The following MRPS35 variants were observed in gnomAD, a reference collection of about 807,000 sequenced individuals.
MRPS35 encodes small ribosomal subunit protein mS35.
Under a neutral mutation model 32.7 loss-of-function variants are expected in MRPS35, and 29 were observed. That is an observed-to-expected ratio of 0.89 (90% CI 0.66 to 1.21). The LOEUF (loss-of-function observed/expected upper bound fraction) is 1.21. MRPS35 is among the 50% of genes most tolerant of loss of function. The probability of loss-of-function intolerance (pLI) is 0.00; values close to 1 mark genes in which losing one functional copy is unlikely to be tolerated. For synonymous variants in MRPS35, 148 were observed against 139.3 expected, an observed-to-expected ratio of 1.06 and a Z score of -0.44; for missense variants, 373 against 383.8, an observed-to-expected ratio of 0.97 and a Z score of 0.23.
At chr12:27,733,857 A>G (rs2061931927) in intron 5 of MRPS35, among the ~76,000 whole-genome samples, 1 of 152,260 alleles carries the variant, frequency 6.6e-6, no homozygotes, top group South Asian at 2.1e-4. Context: ...TACTTCAAAT[A>G]CAAAATACAA....
At chr12:27,738,420 T>A (rs1415854764) in intron 7 of MRPS35, among the ~76,000 whole-genome samples, 1 of 152,214 alleles carries the variant, frequency 6.6e-6, no homozygotes, top group Non-Finnish European at 1.5e-5. Context: ...TTCAGATTAG[T>A]AATGCTAAAC....
intron 7 of MRPS35, among the ~76,000 whole-genome samples, chr12:27,754,765 CAAA>C (rs149548847): frequency 0.14 from 14,446 of 103,506 alleles, 748 homozygotes; most frequent in East Asian, 0.2. Context: ...AGACCCATCT[CAAA>C]AAAAAAAAAA....
chr12:27,727,496 C>A (rs924202855), intron 5 of MRPS35, among the ~76,000 whole-genome samples: 1 of 152,006 alleles, frequency 6.6e-6, no homozygotes, highest in Admixed American at 6.5e-5. Context: ...ATTGACTATA[C>A]CATGTAGTCT....
At chr12:27,714,634 C>CAAA (rs531429538) in intron 1 of MRPS35, 146 bp from the exon 2 acceptor site, 139 of 357,314 alleles carry the variant, frequency 3.9e-4, no homozygotes, top group Middle Eastern at 7.8e-4. Context: ...CTGAGCTTAC[C>CAAA]AAAAAAAAAA....
At chr12:27,722,517 T>TC (rs2061880829) in intron 4 of MRPS35, among the ~76,000 whole-genome samples, 1 of 152,194 alleles carries the variant, frequency 6.6e-6, no homozygotes, top group African/African-American at 2.4e-5. Context: ...ATTCACATTT[T>TC]TTTTTTTAAG....
intron 7 of MRPS35, among the ~76,000 whole-genome samples, chr12:27,753,729 G>A (rs2062015289): frequency 6.6e-6 from 1 of 152,074 alleles, no homozygotes; most frequent in Non-Finnish European, 1.5e-5. Context: ...AAAAAAATGT[G>A]ACTAGTATTC....
intron 7 of MRPS35, among the ~76,000 whole-genome samples, chr12:27,745,419 T>C (rs1480442199): frequency 1.3e-5 from 2 of 152,220 alleles, no homozygotes; most frequent in African/African-American, 2.4e-5. Flanking sequence ...ACTTTGACTT[T>C]CAAAATGTTA....
chr12:27,719,582 C>T (rs532693228), intron 3 of MRPS35, among the ~76,000 whole-genome samples: 2 of 151,108 alleles, frequency 1.3e-5, no homozygotes, highest in South Asian at 4.2e-4. Context: ...AGGAGAATGG[C>T]GTGAACCCGG....
At chr12:27,741,325 C>A (rs1396315803) in intron 7 of MRPS35, among the ~76,000 whole-genome samples, 7 of 145,896 alleles carry the variant, frequency 4.8e-5, no homozygotes, top group Non-Finnish European at 9.0e-5. Context: ...TACTTAGTAC[C>A]TGTGTAATAG....
intron 3 of MRPS35, 56 bp downstream of exon 3, chr12:27,716,514 T>G: frequency 6.4e-7 from 1 of 1,570,996 alleles, no homozygotes. Flanking sequence ...AATGCTGATC[T>G]TCCCCCCTAT....
At chr12:27,721,521 T>G (rs1237461944) in intron 4 of MRPS35, among the ~76,000 whole-genome samples, 1 of 151,958 alleles carries the variant, frequency 6.6e-6, no homozygotes, top group African/African-American at 2.4e-5. Flanking sequence ...TAGCCGGGTG[T>G]GGTGGCATGT....
intron 5 of MRPS35, among the ~76,000 whole-genome samples, chr12:27,731,272 A>G (rs2061921212): frequency 6.6e-6 from 1 of 152,066 alleles, no homozygotes; most frequent in Non-Finnish European, 1.5e-5. Context: ...GCCCTTACTG[A>G]TGTGCTTTTG....
chr12:27,747,917 A>G (rs1301424719), intron 7 of MRPS35, among the ~76,000 whole-genome samples: 1 of 152,186 alleles, frequency 6.6e-6, no homozygotes, highest in African/African-American at 2.4e-5. Flanking sequence ...ACTAACGAGC[A>G]GTGTGGTTTT....
intron 7 of MRPS35, among the ~76,000 whole-genome samples, chr12:27,740,975 T>A (rs549220539): frequency 6.6e-6 from 1 of 152,164 alleles, no homozygotes; most frequent in Non-Finnish European, 1.5e-5. Flanking sequence ...GATACCACCC[T>A]GGGCAACATG....
intron 3 of MRPS35, among the ~76,000 whole-genome samples, chr12:27,717,067 G>A (rs2061854222): frequency 6.6e-6 from 1 of 151,882 alleles, no homozygotes; most frequent in East Asian, 1.9e-4. Flanking sequence ...CTTCTTTTTG[G>A]AGATGGGGGT....
intron 7 of MRPS35, among the ~76,000 whole-genome samples, chr12:27,750,408 A>G (rs1328342240): frequency 6.6e-6 from 1 of 152,218 alleles, no homozygotes; most frequent in Non-Finnish European, 1.5e-5. Flanking sequence ...GAGATACCTG[A>G]TATATAATTA....
intron 7 of MRPS35, among the ~76,000 whole-genome samples, chr12:27,750,889 G>C (rs960951442): frequency 6.6e-6 from 1 of 152,050 alleles, no homozygotes; most frequent in African/African-American, 2.4e-5. Context: ...GATCACCTGA[G>C]GTCAGGAGTT....
intron 7 of MRPS35, among the ~76,000 whole-genome samples, chr12:27,743,108 G>T (rs1033334678): frequency 2.6e-5 from 4 of 151,818 alleles, no homozygotes; most frequent in Non-Finnish European, 4.4e-5. Flanking sequence ...TGATCCTCCT[G>T]CCTCTGCCTC....
chr12:27,710,864 A>G lies in MRPS35; in HGVS notation c.21A>G (p.Pro7=), dbSNP rs767634475. The change falls in exon 1 of 8, where the codon CCA becomes CCG. Residue 7 remains proline, a synonymous_variant. Coordinates refer to ENST00000081029, the MANE Select transcript of MRPS35 (RefSeq NM_021821.4). ...CAGCCATGGCGGCCGCCGCGCTCCC[A>G]GCATGGCTGTCTCTGCAGTCGAGGG... MAAAAL[P]AWLSLQSRAR... 5.0e-6 allele frequency: 8 copies of G among 1,609,496 alleles called. No individual in the cohort carries two copies. Among genetic ancestry groups the G allele is most frequent in the East Asian group, 2.2e-5 (1 of 44,870 alleles).
Sources: gnomAD v4.1 joint callset for allele counts (sites outside exome capture counted in the v4.1 genomes callset) on GRCh38, gnomAD v4.1.1 for gene constraint, MANE v1.5 for transcripts, NCBI Gene and HGNC (gene_info 2026-07-23, HGNC 2026-07-21) for gene names.